ATP13A3: variants seen among roughly 807,000 people sequenced by gnomAD.
ATP13A3 encodes ATPase 13A3, also known as polyamine-transporting ATPase 13A3.
A neutral mutation model predicts 158.1 loss-of-function variants in ATP13A3; 59 were observed. That is an observed-to-expected ratio of 0.37 (90% CI 0.30 to 0.46). The LOEUF (loss-of-function observed/expected upper bound fraction) is 0.46. Ranked by LOEUF, ATP13A3 falls within the 20% of genes least tolerant of loss-of-function variation. ATP13A3 has a pLI of 1.00. For synonymous variants in ATP13A3, 491 were observed against 504.3 expected (o/e 0.97, Z 0.35); for missense variants, 1,166 against 1,525.2 (o/e 0.76, Z 3.92).
intron 2 of ATP13A3, among the ~76,000 whole-genome samples, chr3:194,478,975 T>C (rs761432997): frequency 1.3e-5 from 2 of 152,170 alleles, no homozygotes; most frequent in Non-Finnish European, 2.9e-5. Flanking sequence ...CAAGCCCCCT[T>C]CCTTGCTACC....
At chr3:194,477,323 C>T (rs560544825) in intron 2 of ATP13A3, among the ~76,000 whole-genome samples, 2 of 152,282 alleles carry the variant, frequency 1.3e-5, no homozygotes, top group East Asian at 3.9e-4. Flanking sequence ...AGGCTGGGAA[C>T]CAGGCAAGCA....
intron 33 of ATP13A3, among the ~76,000 whole-genome samples, chr3:194,410,296 CAAAAAAAAAAAAAAAAAAAAAAA>C (rs772008929): frequency 9.2e-5 from 2 of 21,806 alleles, no homozygotes; most frequent in African/African-American, 3.7e-4. Flanking sequence ...CTCCTCTCTG[CAAAAAAAAAAAAAAAAAAAAAAA>C]AAAAAAAAAA....
At chr3:194,474,451 A>G (rs932981579) in intron 2 of ATP13A3, among the ~76,000 whole-genome samples, 1 of 152,222 alleles carries the variant, frequency 6.6e-6, no homozygotes, top group East Asian at 1.9e-4. Context: ...AATAAGCAGA[A>G]AAGAAATCGT....
At chr3:194,429,847 CT>C in intron 26 of ATP13A3, 73 bp from the exon 27 acceptor site, 8 of 1,335,002 alleles carry the variant, frequency 6.0e-6, no homozygotes, top group Non-Finnish European at 7.4e-6. Flanking sequence ...ACAATTTTAT[CT>C]TGACAGATGA....
Position 194,413,767 on chromosome 3 carries a change from T to C in ATP13A3, c.3475A>G (p.Thr1159Ala). ...IVLVNAFVSITVENFFLDMVL... is the reference protein window; with the variant it reads ...IVLVNAFVSIAVENFFLDMVL... ...ACTATGGAAGTGCTTACCTCCACTG[T>C]GATAGACACAAAGGCATTGACAAGA... The change falls in exon 32 of 34, where the codon ACA becomes GCA. Residue 1159 changes from threonine to alanine, a missense_variant. Thr to Ala is a moderately conservative substitution (Grantham distance 58). Coordinates refer to ENST00000645319, the MANE Select transcript of ATP13A3 (RefSeq NM_001367549.1). 6.2e-7 allele frequency: 1 copy of C among 1,612,972 alleles called. No individual in the cohort carries two copies. Among genetic ancestry groups the C allele is most frequent in the Non-Finnish European group, 8.5e-7 (1 of 1,178,954 alleles).
chr3:194,456,142 T>C (rs542659426), intron 7 of ATP13A3, among the ~76,000 whole-genome samples, 180 bp from the exon 8 acceptor site: 1 of 152,250 alleles, frequency 6.6e-6, no homozygotes, highest in Non-Finnish European at 1.5e-5. Flanking sequence ...CAATAGTAGA[T>C]ACCTATACTG....
chr3:194,481,599 T>C (rs1720752087), intron 2 of ATP13A3, among the ~76,000 whole-genome samples: 1 of 152,168 alleles, frequency 6.6e-6, no homozygotes, highest in Non-Finnish European at 1.5e-5. Flanking sequence ...TCACACCTCT[T>C]TATTTCAATG....
At chr3:194,413,939 C>A in intron 31 of ATP13A3, 100 bp from the exon 32 acceptor site, 1 of 941,436 alleles carries the variant, frequency 1.1e-6, no homozygotes, top group Non-Finnish European at 1.7e-6. Flanking sequence ...TATGATGTAC[C>A]AAACACCTTC....
intron 21 of ATP13A3, among the ~76,000 whole-genome samples, chr3:194,432,330 A>C (rs190047064): frequency 6.6e-6 from 1 of 152,214 alleles, no homozygotes; most frequent in Admixed American, 6.5e-5. Context: ...ATACAAAACA[A>C]AAAGGTAAGA....
At position 194,412,118 on chromosome 3, in the gene ATP13A3, G is replaced by C. The variant is rs983602295; in HGVS notation, c.3573+81C>G. The stretch of plus-strand genomic sequence containing the variant: ...TAGAGAATAACACATAACAGAACAA[G>C]AACACGCTAGAGAATACAGAGTACA... On this transcript the variant is annotated intron_variant, in intron 33 of 33. Coordinates refer to ENST00000645319, the MANE Select transcript of ATP13A3 (RefSeq NM_001367549.1). The C allele has an allele frequency of 1.4e-5, 16 of 1,140,660 alleles. No homozygotes were observed. In the African/African-American group the frequency reaches 2.5e-4, roughly 18 times the overall value. 70.7% of individuals were successfully genotyped at this position (1,140,660 alleles called of 1,614,324 possible).
chr3:194,418,473 T>C (rs73069194), intron 31 of ATP13A3, among the ~76,000 whole-genome samples: 28,934 of 151,908 alleles, frequency 0.19, 4,621 homozygotes, highest in African/African-American at 0.43. Flanking sequence ...ATCCTAAAAA[T>C]TTTTAAAAAA....
chr3:194,433,284 C>T (rs1390864660), intron 21 of ATP13A3, among the ~76,000 whole-genome samples: 1 of 144,742 alleles, frequency 6.9e-6, no homozygotes, highest in African/African-American at 2.6e-5. Context: ...TCGCCCAGGC[C>T]GGACTGCGGA....
chr3:194,480,497 G>A (rs969007743), intron 2 of ATP13A3, among the ~76,000 whole-genome samples: 3 of 151,976 alleles, frequency 2.0e-5, no homozygotes, highest in Non-Finnish European at 2.9e-5. Flanking sequence ...CTAGCAGTAA[G>A]GAATAAATTT....
chr3:194,450,233 G>A lies in ATP13A3; in HGVS notation c.882C>T (p.Val294=). The change falls in exon 11 of 34, where the codon GTC becomes GTT. Residue 294 remains valine (V), a synonymous_variant. Transcript: ENST00000645319. ...IFSTDLVPGD[V]MVIPLNGTIM... ...TTGTCCCATTTAATGGAATGACCAT[G>A]ACATCTCCTGGCACAAGGTCGGTAG... 1.2e-6 allele frequency: 2 copies of A among 1,613,288 alleles called. No individual in the cohort carries two copies. The highest frequency in any genetic ancestry group is 8.5e-7 in the Non-Finnish European group (1 of 1,179,322).
intron 2 of ATP13A3, among the ~76,000 whole-genome samples, chr3:194,462,912 A>G (rs1450070995): frequency 6.6e-6 from 1 of 152,216 alleles, no homozygotes; most frequent in African/African-American, 2.4e-5. Context: ...ATTGAGAGGA[A>G]CTACTAACAG....
chr3:194,484,558 C>G (rs527496308), intron 2 of ATP13A3, among the ~76,000 whole-genome samples: 219 of 146,090 alleles, frequency 1.5e-3, no homozygotes, highest in African/African-American at 5.2e-3. Flanking sequence ...TGGGGACGCC[C>G]TATGGAACTT....
rs527791467 is a variant in ATP13A3 at position 194,422,945 on chromosome 3, A to C, written c.3313+2397T>G. Among the ~76,000 whole-genome samples, 4 of 150,290 alleles carry C rather than the reference A, an allele frequency of 2.7e-5. No homozygotes were observed. In the South Asian group the frequency reaches 8.6e-4, roughly 32 times the overall value. Reference sequence around the variant, plus strand: ...TGGCTTCAACCAATTTAGGCATGCTAGATGAATAGGAAAAAGATACATAGG... The same window carrying C: ...TGGCTTCAACCAATTTAGGCATGCTCGATGAATAGGAAAAAGATACATAGG... On this transcript the variant is annotated intron_variant, in intron 30 of 33. Coordinates refer to ENST00000645319, the MANE Select transcript of ATP13A3 (RefSeq NM_001367549.1).
intron 16 of ATP13A3, among the ~76,000 whole-genome samples, chr3:194,439,631 T>C (rs192133323): frequency 6.6e-6 from 1 of 152,364 alleles, no homozygotes; most frequent in African/African-American, 2.4e-5. Context: ...CCTTTTTTCG[T>C]ATCTTAACAT....
intron 28 of ATP13A3, 50 bp downstream of exon 28, chr3:194,428,795 C>T: frequency 7.5e-7 from 1 of 1,342,064 alleles, no homozygotes; most frequent in African/African-American, 1.5e-5. Context: ...TAATAAGTCA[C>T]ATCAGAATTT....
Sources: allele counts gnomAD v4.1 joint callset (sites outside exome capture counted in the v4.1 genomes callset), GRCh38; gene constraint gnomAD v4.1.1; transcripts MANE v1.5; gene names NCBI Gene and HGNC (gene_info 2026-07-23, HGNC 2026-07-21).